DOCK4: variants seen among roughly 807,000 people sequenced by gnomAD.
DOCK4 encodes the protein dedicator of cytokinesis 4.
A neutral mutation model predicts 268.1 loss-of-function variants in DOCK4; 97 were observed. The ratio of observed to expected loss-of-function variants is 0.36; its 90% CI spans 0.31 to 0.43. The LOEUF (loss-of-function observed/expected upper bound fraction) is 0.43, where lower values mean the gene tolerates loss of function less well. DOCK4 is among the 20% of genes least tolerant of loss of function. The probability of loss-of-function intolerance (pLI) is 1.00; values close to 1 mark genes in which losing one functional copy is unlikely to be tolerated. For missense variants in DOCK4, 2,145 were observed against 2,455.7 expected (o/e 0.87, Z 2.67); for synonymous variants, 954 against 887.2 (o/e 1.08, Z -1.34).
At chr7:111,972,442 C>A (rs1411888515) in intron 8 of DOCK4, among the ~76,000 whole-genome samples, 1 of 151,988 alleles carries the variant, frequency 6.6e-6, no homozygotes, top group Non-Finnish European at 1.5e-5. Flanking sequence ...CAGAGTATGG[C>A]AGATGGTTAG....
intron 23 of DOCK4, among the ~76,000 whole-genome samples, chr7:111,857,661 G>T (rs146257023): frequency 6.6e-6 from 1 of 152,062 alleles, no homozygotes; most frequent in East Asian, 1.9e-4. Context: ...GGTGACAAAC[G>T]CAAAGTGAAT....
intron 1 of DOCK4, among the ~76,000 whole-genome samples, chr7:112,192,675 C>A (rs921268636): frequency 2.0e-5 from 3 of 152,164 alleles, no homozygotes; most frequent in Non-Finnish European, 4.4e-5. Flanking sequence ...AAATGTTGTT[C>A]AAAGTAAATG....
intron 1 of DOCK4, among the ~76,000 whole-genome samples, chr7:112,028,661 G>C (rs985373955): frequency 6.6e-5 from 10 of 152,058 alleles, no homozygotes; most frequent in African/African-American, 2.2e-4. Flanking sequence ...GAAACTCAGA[G>C]ATGAATGAAC....
chr7:112,131,599 T>C (rs534805698), intron 1 of DOCK4, among the ~76,000 whole-genome samples: 1 of 152,298 alleles, frequency 6.6e-6, no homozygotes, highest in East Asian at 1.9e-4. Context: ...GCATGCATTG[T>C]ACAATGCAGG....
intron 11 of DOCK4, among the ~76,000 whole-genome samples, chr7:111,937,720 G>C (rs1288496699): frequency 6.6e-6 from 1 of 152,208 alleles, no homozygotes; most frequent in Admixed American, 6.5e-5. Flanking sequence ...CTAGACTATG[G>C]TGTGAAATAA....
intron 23 of DOCK4, among the ~76,000 whole-genome samples, chr7:111,851,051 TAAAAAC>T (rs1366348861): frequency 6.6e-6 from 1 of 152,262 alleles, no homozygotes; most frequent in East Asian, 1.9e-4. Flanking sequence ...ACACATATGT[TAAAAAC>T]AAAAACAAAA....
chr7:111,889,494 A>G (rs573235607), intron 16 of DOCK4, among the ~76,000 whole-genome samples: 1 of 152,252 alleles, frequency 6.6e-6, no homozygotes, highest in African/African-American at 2.4e-5. Context: ...GAATGCAAAC[A>G]TACTACAGGA....
At position 111,742,039 on chromosome 7, in the gene DOCK4, C is replaced by G. The variant is rs376404769; in HGVS notation, c.4771G>C (p.Val1591Leu). The part of the protein sequence containing the change: ...LHKKLVDQFF[V>L]MKSSLGIQEF... ...TGTATCCCTAAGCTCGACTTCATCA[C>G]AAAGAATTGGTCAACCAGCTTTTTG... Residue 1591 changes from valine to leucine, a missense_variant, in exon 45 of 53, where the codon GTG becomes CTG. By Grantham distance (32) the Val-to-Leu change is conservative. Around this residue, in one of 2 missense-constraint regions of DOCK4, gnomAD observed 1,598 missense variants for 1,986.7 expected, o/e 0.80. Coordinates refer to ENST00000428084, the MANE Select transcript of DOCK4 (RefSeq NM_001363540.2). 5.6e-6 allele frequency: 9 copies of G among 1,606,392 alleles called. No individual in the cohort carries two copies. The highest frequency in any genetic ancestry group is 3.4e-5 in the Admixed American group (2 of 58,436).
Position 111,741,040 on chromosome 7 carries a change from A to G in DOCK4, c.5040+54T>C, listed in dbSNP as rs569985310. The G allele has an allele frequency of 8.0e-4, 1,285 of 1,603,004 alleles. 1 individual carries two copies. Among genetic ancestry groups the G allele is most frequent in the Non-Finnish European group, 1.0e-3 (1,205 of 1,173,938 alleles). On this transcript the variant is annotated intron_variant, in intron 47 of 52. Coordinates refer to ENST00000428084, the MANE Select transcript of DOCK4 (RefSeq NM_001363540.2). Reference sequence around the variant, plus strand: ...CACAGCAGAATGAACAGAAACACTCATGATTGAGACAGAAAAGGAATAAAC... The same window carrying G: ...CACAGCAGAATGAACAGAAACACTCGTGATTGAGACAGAAAAGGAATAAAC...
Position 111,778,376 on chromosome 7 carries a change from A to G in DOCK4, c.3586-7T>C, listed in dbSNP as rs762987765. 2.5e-6 allele frequency: 4 copies of G among 1,585,570 alleles called. No individual in the cohort carries two copies. The highest frequency in any genetic ancestry group is 3.5e-6 in the Non-Finnish European group (4 of 1,154,746). On this transcript the variant is annotated splice_region_variant and splice_polypyrimidine_tract_variant and intron_variant, in intron 35 of 52. Coordinates refer to ENST00000428084, the MANE Select transcript of DOCK4 (RefSeq NM_001363540.2). ...GTTCAGTCTTATAGAAGTTCTGTAAAAAAAGAGTACAGGTATGGATAGTTC... is the reference window on the plus strand; with the variant it reads ...GTTCAGTCTTATAGAAGTTCTGTAAGAAAAGAGTACAGGTATGGATAGTTC...
intron 1 of DOCK4, among the ~76,000 whole-genome samples, chr7:112,088,148 A>G (rs547627272): frequency 6.6e-6 from 1 of 152,242 alleles, no homozygotes; most frequent in African/African-American, 2.4e-5. Flanking sequence ...AGGCAAAAGC[A>G]TAGAAGCATA....
intron 51 of DOCK4, among the ~76,000 whole-genome samples, chr7:111,733,545 T>C (rs975212061): frequency 6.6e-6 from 1 of 152,186 alleles, no homozygotes; most frequent in Non-Finnish European, 1.5e-5. Context: ...GACGGAGAAC[T>C]ATGTTCCTGC....
At chr7:111,878,527 C>G (rs945608028) in intron 16 of DOCK4, among the ~76,000 whole-genome samples, 6 of 152,216 alleles carry the variant, frequency 3.9e-5, no homozygotes, top group African/African-American at 1.4e-4. Flanking sequence ...GTTTTAACTT[C>G]ATATCCCTGA....
chr7:112,184,928 T>C (rs148975273), intron 1 of DOCK4, among the ~76,000 whole-genome samples: 2 of 152,306 alleles, frequency 1.3e-5, no homozygotes, highest in African/African-American at 4.8e-5. Context: ...AAGCACTTTA[T>C]AGTTTACATG....
intron 1 of DOCK4, among the ~76,000 whole-genome samples, chr7:112,162,175 G>C (rs1426186639): frequency 2.0e-5 from 3 of 152,148 alleles, no homozygotes; most frequent in African/African-American, 7.2e-5. Flanking sequence ...CTGGCATCAA[G>C]AGAGCAGAGC....
chr7:111,842,339 T>C (rs938173039), intron 25 of DOCK4, among the ~76,000 whole-genome samples: 2 of 152,138 alleles, frequency 1.3e-5, no homozygotes, highest in Admixed American at 6.5e-5. Context: ...CAATAGTTGG[T>C]AGACAAAAGA....
chr7:111,973,968 T>A (rs1562951669), intron 8 of DOCK4, among the ~76,000 whole-genome samples: 1 of 152,182 alleles, frequency 6.6e-6, no homozygotes, highest in African/African-American at 2.4e-5. Flanking sequence ...TTCACAGTAC[T>A]TTTTTCTGAG....
chr7:111,887,532 GA>G (rs1554358059), intron 16 of DOCK4, among the ~76,000 whole-genome samples: 4 of 152,104 alleles, frequency 2.6e-5, no homozygotes, highest in Non-Finnish European at 5.9e-5. Context: ...GGATTTTCAA[GA>G]AGTGTTATTA....
chr7:112,113,640 C>T (rs1811860014), intron 1 of DOCK4, among the ~76,000 whole-genome samples: 1 of 150,512 alleles, frequency 6.6e-6, no homozygotes, highest in Non-Finnish European at 1.5e-5. Flanking sequence ...GGGGTGCAAT[C>T]ATAGCTCATT....
Sources: gnomAD v4.1 joint callset for allele counts (sites outside exome capture counted in the v4.1 genomes callset) on GRCh38, gnomAD v4.1.1 for gene constraint, gnomAD v4.1.1 regional missense constraint, MANE v1.5 for transcripts, NCBI Gene and HGNC (gene_info 2026-07-23, HGNC 2026-07-21) for gene names.